The following NEGR1 variants were observed in gnomAD, a reference collection of about 807,000 sequenced individuals.
NEGR1 encodes the protein neuronal growth regulator 1, also known as IgLON family member 4.
NEGR1 carries 10 observed loss-of-function variants against 40.9 expected under a neutral mutation model. The observed-to-expected ratio is 0.24, with a 90% CI of 0.15 to 0.42. The LOEUF (loss-of-function observed/expected upper bound fraction) is 0.42, where lower values mean the gene tolerates loss of function less well. Among genes scored for constraint, NEGR1 ranks in the 10% least tolerant of loss-of-function variants. NEGR1 has a pLI of 1.00. For synonymous variants in NEGR1, 185 were observed against 166.8 expected, an observed-to-expected ratio of 1.11 and a Z score of -0.84; for missense variants, 352 against 438.9, an observed-to-expected ratio of 0.80 and a Z score of 1.77.
rs372803620 is a variant in NEGR1 at position 71,942,868 on chromosome 1, C to T, written c.177-7557G>A. On this transcript the variant is annotated intron_variant, in intron 1 of 6. Transcript: ENST00000357731. ...CCAGGCTTGAGTACAGTGGAACGAT[C>T]GTAGCTCACTGCAGCCTCGAACTCC... Among the ~76,000 whole-genome samples, 25 of 118,834 alleles carry T rather than the reference C, an allele frequency of 2.1e-4. No individual in the cohort carries two copies. In the East Asian group the frequency reaches 5.5e-3, roughly 26 times the overall value. The allele number at this position is 118,834 out of a possible 152,430, so 78.0% of individuals were successfully genotyped here.
At chr1:71,682,767 T>C (rs767079504) in intron 4 of NEGR1, among the ~76,000 whole-genome samples, 3 of 152,196 alleles carry the variant, frequency 2.0e-5, no homozygotes, top group Non-Finnish European at 4.4e-5. Flanking sequence ...GGGGCAGGGC[T>C]TTCATGAAGG....
rs145691631 is a variant in NEGR1 at position 71,875,463 on chromosome 1, A to T, written c.409+59616T>A. ...TGGAATTTAGCCGATTCATGTTGTCAGTAGCAGTGGCATTTGATAATCAGG... is the reference window on the plus strand; with the variant it reads ...TGGAATTTAGCCGATTCATGTTGTCTGTAGCAGTGGCATTTGATAATCAGG... On this transcript the variant is annotated intron_variant, in intron 2 of 6. Coordinates refer to ENST00000357731, the MANE Select transcript of NEGR1 (RefSeq NM_173808.3). 5.4e-3 allele frequency among the ~76,000 whole-genome samples: 815 copies of T among 152,304 alleles called. 10 individuals are homozygous for T. The highest frequency in any genetic ancestry group is 0.019 in the African/African-American group (781 of 41,578).
At chr1:71,457,721 T>G (rs1041889586) in intron 6 of NEGR1, among the ~76,000 whole-genome samples, 2 of 152,204 alleles carry the variant, frequency 1.3e-5, no homozygotes, top group African/African-American at 4.8e-5. Context: ...TTTTCTTTTT[T>G]TTGAGACGGA....
At chr1:71,823,740 C>G (rs1450848316) in intron 2 of NEGR1, among the ~76,000 whole-genome samples, 1 of 151,978 alleles carries the variant, frequency 6.6e-6, no homozygotes, top group South Asian at 2.1e-4. Flanking sequence ...TTAAGAAAAG[C>G]CTGTACAGAT....
chr1:71,629,036 G>A (rs1232387581), intron 4 of NEGR1, among the ~76,000 whole-genome samples: 1 of 152,136 alleles, frequency 6.6e-6, no homozygotes, highest in African/African-American at 2.4e-5. Context: ...CACCAACAGT[G>A]TGAAAGTGTT....
chr1:71,513,730 G>A (rs564290426), intron 6 of NEGR1, among the ~76,000 whole-genome samples: 161 of 152,258 alleles, frequency 1.1e-3, no homozygotes, highest in African/African-American at 3.3e-3. Context: ...AATAGGAACA[G>A]CTCCGGTGAA....
intron 2 of NEGR1, among the ~76,000 whole-genome samples, chr1:71,895,683 T>C (rs1660951595): frequency 6.6e-6 from 1 of 152,222 alleles, no homozygotes; most frequent in Admixed American, 6.5e-5. Context: ...CACATTTGTT[T>C]AACCCTTTAT....
intron 1 of NEGR1, among the ~76,000 whole-genome samples, chr1:72,223,317 T>C (rs76087588): frequency 5.7e-4 from 87 of 152,268 alleles, no homozygotes; most frequent in African/African-American, 2.0e-3. Context: ...TTCCAATCGC[T>C]TAATATAAGC....
chr1:72,017,309 A>G lies in NEGR1; in HGVS notation c.177-81998T>C, dbSNP rs1040309013. On this transcript the variant is annotated intron_variant, in intron 1 of 6. Coordinates refer to ENST00000357731, the MANE Select transcript of NEGR1 (RefSeq NM_173808.3). ...CAGTTTAAGAGTAGGCGCTAGATTC[A>G]ATATCATATGCTTCTTTGCAGTAGG... 5.9e-5 allele frequency among the ~76,000 whole-genome samples: 9 copies of G among 152,114 alleles called. 1 individual carries two copies. In the South Asian group the frequency reaches 1.2e-3, roughly 21 times the overall value.
chr1:71,915,010 C>T (rs1242593307), intron 2 of NEGR1, among the ~76,000 whole-genome samples: 2 of 152,002 alleles, frequency 1.3e-5, no homozygotes, highest in Non-Finnish European at 2.9e-5. Flanking sequence ...TTAAGTCTTT[C>T]CTCTTCCTTT....
chr1:72,234,166 T>G (rs1478501887), intron 1 of NEGR1, among the ~76,000 whole-genome samples: 1 of 152,054 alleles, frequency 6.6e-6, no homozygotes, highest in Non-Finnish European at 1.5e-5. Flanking sequence ...CACCAGTGTG[T>G]GTTGTTCTCC....
At chr1:71,487,741 A>G (rs1419401031) in intron 6 of NEGR1, among the ~76,000 whole-genome samples, 1 of 149,904 alleles carries the variant, frequency 6.7e-6, no homozygotes, top group Admixed American at 6.7e-5. Flanking sequence ...CATTCATTAG[A>G]TTTTTTTTTT....
intron 6 of NEGR1, among the ~76,000 whole-genome samples, chr1:71,484,133 A>G (rs1569930742): frequency 6.6e-6 from 1 of 151,770 alleles, no homozygotes; most frequent in East Asian, 1.9e-4. Context: ...GTTTGCAAAT[A>G]TCAGCTTTTC....
chr1:72,135,915 G>T (rs964607380), intron 1 of NEGR1, among the ~76,000 whole-genome samples: 1 of 152,134 alleles, frequency 6.6e-6, no homozygotes, highest in Non-Finnish European at 1.5e-5. Context: ...GTTCACAATA[G>T]ATTTGCCTTA....
At chr1:72,111,766 T>G (rs1238722715) in intron 1 of NEGR1, among the ~76,000 whole-genome samples, 6 of 151,844 alleles carry the variant, frequency 4.0e-5, no homozygotes, top group Non-Finnish European at 1.5e-5. Flanking sequence ...GTAAGAGATT[T>G]ACCGACTTTG....
rs1351951207 is a variant in NEGR1, at chr1:71,402,027, T to C, written c.*5419A>G. 1 of 151,868 alleles carries C rather than the reference T, an allele frequency of 6.6e-6. No individual in the cohort carries two copies. Among genetic ancestry groups the C allele is most frequent in the African/African-American group, 2.4e-5 (1 of 41,364 alleles). The allele number at this position is 151,868 out of a possible 1,614,324, so 9.4% of individuals were successfully genotyped here. The stretch of plus-strand genomic sequence containing the variant: ...ATGTGCTTATATTTATATAAATATA[T>C]AAATAAAAATATGCAAATAGTTGTC... On this transcript the variant is annotated 3_prime_UTR_variant, in exon 7 of 7. Transcript: ENST00000357731.
chr1:71,779,133 G>A (rs1374637028), intron 2 of NEGR1, among the ~76,000 whole-genome samples: 1 of 152,174 alleles, frequency 6.6e-6, no homozygotes, highest in Non-Finnish European at 1.5e-5. Flanking sequence ...ATCACTTGTT[G>A]GAAGCAGATG....
intron 3 of NEGR1, among the ~76,000 whole-genome samples, chr1:71,753,328 C>G (rs1244234455): frequency 6.6e-6 from 1 of 152,208 alleles, no homozygotes; most frequent in South Asian, 2.1e-4. Context: ...ATATTAGGCA[C>G]ATACTATATG....
chr1:71,916,086 G>C lies in NEGR1; in HGVS notation c.409+18993C>G, dbSNP rs114968217. Among the ~76,000 whole-genome samples, 1,065 of 152,270 alleles carry C rather than the reference G, an allele frequency of 7.0e-3. 18 individuals are homozygous for C. Among genetic ancestry groups the C allele is most frequent in the African/African-American group, 0.025 (1,025 of 41,560 alleles). ...GTAAGGGTGGGCAAAAGAGAGAAGA[G>C]AGGGGCAGAAGGATTGTTGCCCTGG... is the stretch of plus-strand genomic sequence containing the variant. On this transcript the variant is annotated intron_variant, in intron 2 of 6. Coordinates refer to ENST00000357731, the MANE Select transcript of NEGR1 (RefSeq NM_173808.3).
Sources: gnomAD v4.1 joint callset for allele counts (sites outside exome capture counted in the v4.1 genomes callset) on GRCh38, gnomAD v4.1.1 for gene constraint, MANE v1.5 for transcripts, NCBI Gene and HGNC (gene_info 2026-07-23, HGNC 2026-07-21) for gene names.